Variants in PDE4B observed in about 807,000 individuals in gnomAD.
PDE4B encodes the protein 3',5'-cyclic-AMP phosphodiesterase 4B.
In PDE4B, 20 loss-of-function variants were observed where a neutral mutation model predicts 82.2. That is an observed-to-expected ratio of 0.24 (90% CI 0.17 to 0.35). The LOEUF is 0.35. Among genes scored for constraint, PDE4B ranks in the 10% least tolerant of loss-of-function variants. The pLI is 1.00. For missense variants in PDE4B, 655 were observed against 907.2 expected (o/e 0.72, Z 3.57); for synonymous variants, 320 against 318.9 (o/e 1.00, Z -0.04).
intron 1 of PDE4B, among the ~76,000 whole-genome samples, chr1:65,800,199 T>C (rs1209815719): frequency 1.3e-5 from 2 of 152,194 alleles, no homozygotes; most frequent in Admixed American, 6.5e-5. Context: ...GCAAGGCCAG[T>C]ATTGAAATTA....
At chr1:66,177,373 T>C (rs762049722) in intron 3 of PDE4B, among the ~76,000 whole-genome samples, 2 of 152,222 alleles carry the variant, frequency 1.3e-5, no homozygotes, top group Admixed American at 6.6e-5. Context: ...GCTCAATGAA[T>C]ACTTGTGAAA....
chr1:65,909,976 A>T (rs939160249), intron 1 of PDE4B, among the ~76,000 whole-genome samples: 1 of 152,212 alleles, frequency 6.6e-6, no homozygotes, highest in African/African-American at 2.4e-5. Flanking sequence ...TGTAAATAAG[A>T]CCCAATCAGT....
intron 3 of PDE4B, among the ~76,000 whole-genome samples, chr1:66,234,868 T>C (rs1463241357): frequency 6.6e-6 from 1 of 152,190 alleles, no homozygotes; most frequent in Non-Finnish European, 1.5e-5. Context: ...GGAAGTCATT[T>C]TTTCTATTTT....
chr1:66,317,242 G>C (rs1659088722), intron 7 of PDE4B, among the ~76,000 whole-genome samples: 1 of 152,072 alleles, frequency 6.6e-6, no homozygotes, highest in South Asian at 2.1e-4. Flanking sequence ...TCACATCCAG[G>C]GGTTCTTACT....
chr1:66,352,255 A>T (rs554718719), intron 8 of PDE4B, among the ~76,000 whole-genome samples: 2 of 152,192 alleles, frequency 1.3e-5, no homozygotes, highest in African/African-American at 4.8e-5. Context: ...TTTTGGTAGC[A>T]TTGCTGTGCC....
chr1:65,964,744 T>C (rs1396370081), intron 3 of PDE4B, among the ~76,000 whole-genome samples: 1 of 152,158 alleles, frequency 6.6e-6, no homozygotes, highest in African/African-American at 2.4e-5. Context: ...TAGAAGAATA[T>C]TTGCTGCTGT....
At chr1:66,223,909 G>T (rs186595620) in intron 3 of PDE4B, among the ~76,000 whole-genome samples, 1 of 152,118 alleles carries the variant, frequency 6.6e-6, no homozygotes, top group African/African-American at 2.4e-5. Context: ...CTTTGTCTCC[G>T]TGACAAATGG....
intron 4 of PDE4B, chr1:66,257,417 TATG>T (rs747746715): frequency 6.7e-5 from 49 of 734,126 alleles, no homozygotes; most frequent in Non-Finnish European, 1.2e-4. Context: ...CAAATGCTTT[TATG>T]TGTAGTCACT....
intron 1 of PDE4B, among the ~76,000 whole-genome samples, chr1:65,834,113 C>T (rs542351689): frequency 6.6e-6 from 1 of 152,268 alleles, no homozygotes; most frequent in South Asian, 2.1e-4. Context: ...GGTATAATCT[C>T]AGCTCACTGC....
intron 3 of PDE4B, among the ~76,000 whole-genome samples, chr1:66,199,876 T>C (rs1648719867): frequency 1.3e-5 from 2 of 152,342 alleles, no homozygotes; most frequent in Admixed American, 1.3e-4. Context: ...AATTTTGGCT[T>C]TTGTTGCCAT....
intron 8 of PDE4B, chr1:66,355,040 AT>A (rs1325100521): frequency 3.1e-6 from 2 of 640,216 alleles, no homozygotes; most frequent in African/African-American, 3.7e-5. Flanking sequence ...AAATAAGAGC[AT>A]GTTATATTAC....
intron 6 of PDE4B, among the ~76,000 whole-genome samples, chr1:66,260,823 A>T (rs1051488262): frequency 1.3e-5 from 2 of 152,194 alleles, no homozygotes; most frequent in African/African-American, 4.8e-5. Flanking sequence ...TAATTGCCAT[A>T]GCACAGCTGA....
chr1:66,190,837 G>A (rs932947463), intron 3 of PDE4B, among the ~76,000 whole-genome samples: 9 of 152,052 alleles, frequency 5.9e-5, no homozygotes, highest in Non-Finnish European at 7.4e-5. Flanking sequence ...TGTGCTGCAC[G>A]TGCTGTCCTG....
chr1:66,295,882 A>G (rs1342821288), intron 7 of PDE4B, among the ~76,000 whole-genome samples: 2 of 152,084 alleles, frequency 1.3e-5, no homozygotes, highest in African/African-American at 4.8e-5. Flanking sequence ...AATATAGCCA[A>G]TTTTCAGGAA....
intron 3 of PDE4B, among the ~76,000 whole-genome samples, chr1:66,180,199 A>C (rs1313209265): frequency 3.9e-5 from 6 of 152,218 alleles, no homozygotes; most frequent in African/African-American, 7.2e-5. Flanking sequence ...GTCATGATAA[A>C]GTATTTATTA....
chr1:66,064,693 A>G (rs896030059), intron 3 of PDE4B, among the ~76,000 whole-genome samples: 3 of 151,936 alleles, frequency 2.0e-5, no homozygotes, highest in African/African-American at 7.2e-5. Context: ...TTAGGGTTGC[A>G]GTGTGTTTTA....
chr1:66,307,401 G>T (rs903708785), intron 7 of PDE4B, among the ~76,000 whole-genome samples: 1 of 152,098 alleles, frequency 6.6e-6, no homozygotes, highest in Admixed American at 6.6e-5. Context: ...AGACAGAGGA[G>T]CAGGAACCAG....
chr1:66,172,043 T>C (rs889147199), intron 3 of PDE4B, among the ~76,000 whole-genome samples: 2 of 152,196 alleles, frequency 1.3e-5, no homozygotes, highest in Non-Finnish European at 2.9e-5. Flanking sequence ...GGAGTACGAT[T>C]GATCCCATCA....
intron 1 of PDE4B, among the ~76,000 whole-genome samples, chr1:65,881,996 C>T (rs1385631347): frequency 1.3e-5 from 2 of 152,140 alleles, no homozygotes; most frequent in East Asian, 1.9e-4. Flanking sequence ...GCAAATCTAC[C>T]TGTACAAGTT....
Sources: gnomAD v4.1 joint callset for allele counts (sites outside exome capture counted in the v4.1 genomes callset) on GRCh38, gnomAD v4.1.1 for gene constraint, MANE v1.5 for transcripts, NCBI Gene and HGNC (gene_info 2026-07-23, HGNC 2026-07-21) for gene names.